Variants in DNAH3 observed in about 807,000 individuals in gnomAD.
The protein encoded by DNAH3 is axonemal beta dynein heavy chain 3.
Under a neutral mutation model 432.5 loss-of-function variants are expected in DNAH3, and 332 were observed. The ratio of observed to expected loss-of-function variants is 0.77; its 90% confidence interval spans 0.70 to 0.84. The LOEUF (loss-of-function observed/expected upper bound fraction) is 0.84, where lower values mean the gene tolerates loss of function less well. Among genes scored for constraint, DNAH3 ranks in the 40% least tolerant of loss-of-function variants. DNAH3 has a pLI of 0.00. For missense variants in DNAH3, 4,861 were observed against 5,114.0 expected (o/e 0.95, Z 1.51); for synonymous variants, 1,956 against 1,900.2 (o/e 1.03, Z -0.76).
intron 1 of DNAH3, among the ~76,000 whole-genome samples, chr16:21,148,947 T>C (rs2152834833): frequency 6.6e-6 from 1 of 152,288 alleles, no homozygotes; most frequent in East Asian, 1.9e-4. Flanking sequence ...ATATGAATGC[T>C]TGGCCAGCCG....
At chr16:21,099,071 T>A (rs945539020) in intron 16 of DNAH3, among the ~76,000 whole-genome samples, 1 of 152,254 alleles carries the variant, frequency 6.6e-6, no homozygotes, top group Non-Finnish European at 1.5e-5. Context: ...TATGTACACG[T>A]ATACATACTG....
chr16:21,033,131 C>T (rs1161211664), intron 36 of DNAH3, among the ~76,000 whole-genome samples: 1 of 151,918 alleles, frequency 6.6e-6, no homozygotes, highest in Non-Finnish European at 1.5e-5. Flanking sequence ...TGTTCCCTGC[C>T]TCAAAATTTG....
Position 21,134,252 on chromosome 16 carries a change from T to A in DNAH3, c.1082+7A>T, listed in dbSNP as rs753073158. 87 of 1,605,698 alleles carry A rather than the reference T, an allele frequency of 5.4e-5. No individual in the cohort carries two copies. Among genetic ancestry groups the A allele is most frequent in the Non-Finnish European group, 2.5e-5 (29 of 1,176,494 alleles). On this transcript the variant is annotated splice_region_variant and intron_variant, in intron 7 of 61. Transcript: ENST00000261383. ...GGGAATGAAAAAAAAAGGGAGGGAC[T>A]TCTTACTCTGCAAACCACAGTTCTT...
chr16:21,155,083 G>T (rs1472038594), intron 1 of DNAH3, among the ~76,000 whole-genome samples: 6 of 151,356 alleles, frequency 4.0e-5, no homozygotes, highest in Admixed American at 4.0e-4. Context: ...CCCAGTAACT[G>T]GGATTACAGG....
intron 20 of DNAH3, among the ~76,000 whole-genome samples, chr16:21,080,749 C>G (rs74902762): frequency 0.039 from 5,983 of 152,140 alleles, 401 homozygotes; most frequent in African/African-American, 0.14. Flanking sequence ...GGTCTCCAGT[C>G]CAGGCAATGC....
intron 28 of DNAH3, among the ~76,000 whole-genome samples, chr16:21,053,509 G>C (rs2090028760): frequency 6.6e-6 from 1 of 152,160 alleles, no homozygotes; most frequent in Non-Finnish European, 1.5e-5. Context: ...GCTTGTGTTT[G>C]TGAACCCAAC....
chr16:20,980,687 C>T (rs2085857644), intron 49 of DNAH3, among the ~76,000 whole-genome samples: 1 of 151,994 alleles, frequency 6.6e-6, no homozygotes, highest in Non-Finnish European at 1.5e-5. Context: ...CATGCCCAGC[C>T]AATTTTTAAA....
At chr16:20,985,144 G>C (rs1281915866) in exon 48 of DNAH3, 1 of 1,614,238 alleles carries the variant, frequency 6.2e-7, no homozygotes, top group South Asian at 1.1e-5. Context: ...GGTCCTGGCT[G>C]CAGTCTGCAT....
intron 55 of DNAH3, among the ~76,000 whole-genome samples, chr16:20,952,751 A>C (rs1235960202): frequency 6.6e-6 from 1 of 152,170 alleles, no homozygotes; most frequent in African/African-American, 2.4e-5. Flanking sequence ...TCCATTCTAA[A>C]ATCAATTTCC....
chr16:21,113,577 GCC>G (rs1397652311), intron 12 of DNAH3, among the ~76,000 whole-genome samples: 1 of 152,132 alleles, frequency 6.6e-6, no homozygotes, highest in African/African-American at 2.4e-5. Flanking sequence ...TCTTGCCTCA[GCC>G]TCTGGAGTAG....
At chr16:20,938,683 AAAAAG>A (rs1465081947) in intron 59 of DNAH3, among the ~76,000 whole-genome samples, 1 of 148,280 alleles carries the variant, frequency 6.7e-6, no homozygotes, top group Non-Finnish European at 1.5e-5. Context: ...AAAAAAAAAA[AAAAAG>A]GGAAAGAAAA....
intron 29 of DNAH3, among the ~76,000 whole-genome samples, chr16:21,050,986 T>C (rs1278429326): frequency 1.3e-5 from 2 of 152,186 alleles, no homozygotes; most frequent in African/African-American, 2.4e-5. Flanking sequence ...AGGTCATGCA[T>C]GGTGCACAGG....
At chr16:21,117,234 C>A (rs79106276) in exon 12 of DNAH3, 1 of 1,609,728 alleles carries the variant, frequency 6.2e-7, no homozygotes. Context: ...TTCTGAAATA[C>A]CTTGAAAGTT....
chr16:21,042,037 T>C lies in DNAH3; in HGVS notation c.4628A>G (p.Asp1543Gly), dbSNP rs1183975424. 1.9e-6 allele frequency: 3 copies of C among 1,613,960 alleles called. No homozygotes were observed. In the East Asian group the frequency reaches 6.7e-5, roughly 36 times the overall value. The change falls in exon 32 of 62, where the codon GAC (aspartate) becomes GGC (glycine). Residue 1543 changes from aspartate (D) to glycine (G), a missense_variant. Coordinates refer to ENST00000261383, the Ensembl canonical transcript of DNAH3. ...TCTGCTGGCATTTACCTTGAGATTG[T>C]CGGGCAGTTCAGCCCTGCCAGCATA...
intron 5 of DNAH3, among the ~76,000 whole-genome samples, chr16:21,138,422 T>C (rs188943207): frequency 8.7e-4 from 133 of 152,170 alleles, no homozygotes; most frequent in African/African-American, 3.1e-3. Flanking sequence ...AAATGCAGAT[T>C]CCCAGGCCCC....
intron 41 of DNAH3, among the ~76,000 whole-genome samples, chr16:21,006,242 T>C (rs2087298686): frequency 6.6e-6 from 1 of 152,222 alleles, no homozygotes; most frequent in African/African-American, 2.4e-5. Flanking sequence ...ACTTATTAGA[T>C]CATTAATGGC....
chr16:21,054,497 A>G (rs1216206799), exon 28 of DNAH3: 1 of 1,614,126 alleles, frequency 6.2e-7, no homozygotes, highest in South Asian at 1.1e-5. Flanking sequence ...CAGCTGGACA[A>G]TCTGCGCAAT....
At chr16:20,947,127 AT>A (rs2084084745) in intron 57 of DNAH3, among the ~76,000 whole-genome samples, 1 of 152,020 alleles carries the variant, frequency 6.6e-6, no homozygotes, top group South Asian at 2.1e-4. Context: ...ACCTGACCTG[AT>A]TGTGAGTCTT....
At chr16:21,031,331 C>T in intron 36 of DNAH3, 45 bp from the exon 37 acceptor site, 2 of 1,603,166 alleles carry the variant, frequency 1.2e-6, no homozygotes, top group South Asian at 1.1e-5. Context: ...TCTGGTGAGA[C>T]CAGAAGGTTA....
Sources: allele counts gnomAD v4.1 joint callset (sites outside exome capture counted in the v4.1 genomes callset), GRCh38; gene constraint gnomAD v4.1.1; transcripts MANE v1.5; gene names NCBI Gene and HGNC (gene_info 2026-07-23, HGNC 2026-07-21).